The following ABI3BP variants were observed in gnomAD, a reference collection of about 807,000 sequenced individuals.
ABI3BP encodes ABI family member 3 binding protein, also known as target of Nesh-SH3.
A neutral mutation model predicts 268.6 loss-of-function variants in ABI3BP; 216 were observed. The observed-to-expected ratio is 0.80, with a 90% confidence interval of 0.72 to 0.90. The LOEUF is 0.90. ABI3BP is among the 40% of genes least tolerant of loss of function. ABI3BP has a pLI of 0.00. For missense variants in ABI3BP, 2,090 were observed against 2,182.4 expected (o/e 0.96, Z 0.84); for synonymous variants, 730 against 730.0 (o/e 1.00, Z 0.00).
intron 49 of ABI3BP, 91 bp downstream of exon 49, chr3:100,810,321 A>G: frequency 1.8e-6 from 2 of 1,106,382 alleles, no homozygotes; most frequent in Non-Finnish European, 2.6e-6. Context: ...GGGCAGAATG[A>G]TGAAGTCAGG....
chr3:100,982,621 C>A (rs909852191), intron 1 of ABI3BP, among the ~76,000 whole-genome samples: 1 of 151,978 alleles, frequency 6.6e-6, no homozygotes, highest in Non-Finnish European at 1.5e-5. Flanking sequence ...CAGTATTTAT[C>A]TTTCCAGCTC....
rs533949892 is a variant in ABI3BP at position 100,887,205 on chromosome 3, C to T, written c.462-882G>A. On this transcript the variant is annotated intron_variant, in intron 4 of 67. Transcript: ENST00000471714. ...CAGACTCCTCTGGCTCTACTTTAAACAGCCGCTGTAAGTGGGGCAGCAGAT... is the reference window on the plus strand; with the variant it reads ...CAGACTCCTCTGGCTCTACTTTAAATAGCCGCTGTAAGTGGGGCAGCAGAT... Among the ~76,000 whole-genome samples, 3 of 152,112 alleles carry T rather than the reference C, an allele frequency of 2.0e-5. No individual in the cohort carries two copies. The East Asian group carries it at 5.8e-4, about 29-fold the overall frequency.
At position 100,823,482 on chromosome 3, in the gene ABI3BP, T is replaced by C. The variant is rs1490829133; in HGVS notation, c.2779A>G (p.Arg927Gly). 1 of 1,534,920 alleles carries C rather than the reference T, an allele frequency of 6.5e-7. No individual in the cohort carries two copies. The highest frequency in any genetic ancestry group is 2.4e-5 in the East Asian group (1 of 40,872). Residue 927 changes from arginine (R) to glycine (G), a missense_variant, in exon 37 of 68, where the codon AGA (arginine) becomes GGA (glycine). Physicochemically the swap from Arg to Gly is moderately radical, Grantham distance 125. Coordinates refer to ENST00000471714, the MANE Select transcript of ABI3BP (RefSeq NM_001375547.2). ...CCTAATGTTGTTGAGGCCTCAGGTC[T>C]AAGAGTGACAGGTTCTAGGACTGTA... ...PATVLEPVTL[R>G]PEASTTLASK...
At chr3:100,976,139 G>A (rs1486081511) in intron 1 of ABI3BP, among the ~76,000 whole-genome samples, 1 of 152,094 alleles carries the variant, frequency 6.6e-6, no homozygotes, top group East Asian at 1.9e-4. Flanking sequence ...TAAACTATAG[G>A]TAAAATATAG....
At chr3:100,894,944 A>AAAAAAAAAAAAAC (rs2046707827) in intron 4 of ABI3BP, among the ~76,000 whole-genome samples, 1 of 104,278 alleles carries the variant, frequency 9.6e-6, no homozygotes, top group Non-Finnish European at 2.3e-5. Context: ...GCTTCAAAAA[A>AAAAAAAAAAAAAC]AAAAAAAAAA....
chr3:100,894,761 A>C (rs1429998755), intron 4 of ABI3BP, among the ~76,000 whole-genome samples: 6 of 151,758 alleles, frequency 4.0e-5, no homozygotes, highest in African/African-American at 1.5e-4. Context: ...AACACGGTGA[A>C]ACCCCACCTG....
intron 1 of ABI3BP, among the ~76,000 whole-genome samples, chr3:100,982,005 C>T (rs1451663973): frequency 6.6e-6 from 1 of 152,168 alleles, no homozygotes; most frequent in Non-Finnish European, 1.5e-5. Context: ...TTGACTCACA[C>T]TTCTGCATGG....
intron 4 of ABI3BP, among the ~76,000 whole-genome samples, chr3:100,897,525 T>A (rs1003241644): frequency 5.3e-5 from 8 of 152,312 alleles, no homozygotes; most frequent in African/African-American, 1.9e-4. Flanking sequence ...ATGTCATGAA[T>A]GAATCTCAAT....
Position 100,846,459 on chromosome 3 carries a change from A to C in ABI3BP, c.1649-13T>G. Reference sequence around the variant, plus strand: ...GTTTTACCGGGAGCTGGAAAAATAAAGAAACAAAATAATAAACAAATCAAT... The same window carrying C: ...GTTTTACCGGGAGCTGGAAAAATAACGAAACAAAATAATAAACAAATCAAT... On this transcript the variant is annotated splice_polypyrimidine_tract_variant and intron_variant, in intron 19 of 67. Transcript: ENST00000471714. 1 of 1,556,962 alleles carries C rather than the reference A, an allele frequency of 6.4e-7. No individual in the cohort carries two copies.
At chr3:100,985,909 A>G (rs1015469690) in intron 1 of ABI3BP, among the ~76,000 whole-genome samples, 5 of 152,218 alleles carry the variant, frequency 3.3e-5, no homozygotes, top group African/African-American at 1.2e-4. Context: ...CCATATTCAT[A>G]GTTTCACTAT....
At chr3:100,981,280 A>G (rs1321365782) in intron 1 of ABI3BP, among the ~76,000 whole-genome samples, 1 of 151,712 alleles carries the variant, frequency 6.6e-6, no homozygotes. Context: ...CTTCCAAAGG[A>G]TAATTCCTGC....
chr3:100,791,195 G>A (rs1407680662), intron 55 of ABI3BP, among the ~76,000 whole-genome samples: 1 of 151,720 alleles, frequency 6.6e-6, no homozygotes, highest in African/African-American at 2.4e-5. Flanking sequence ...CCAATAACAG[G>A]TGAAATTTAT....
chr3:100,832,634 G>A (rs1230416290), intron 30 of ABI3BP, among the ~76,000 whole-genome samples: 2 of 152,064 alleles, frequency 1.3e-5, no homozygotes, highest in Non-Finnish European at 2.9e-5. Flanking sequence ...GCTTAACTCT[G>A]ATGGTGTGAG....
At chr3:100,787,356 A>G (rs1411359643) in intron 57 of ABI3BP, among the ~76,000 whole-genome samples, 8 of 152,188 alleles carry the variant, frequency 5.3e-5, no homozygotes, top group African/African-American at 1.9e-4. Context: ...GTACTTGGTA[A>G]ATTATAAACT....
intron 20 of ABI3BP, among the ~76,000 whole-genome samples, chr3:100,845,738 T>TA (rs143048568): frequency 0.019 from 2,923 of 151,656 alleles, 96 homozygotes; most frequent in African/African-American, 0.067. Context: ...TACAGATAGA[T>TA]AAAAAAAACT....
intron 59 of ABI3BP, among the ~76,000 whole-genome samples, chr3:100,775,724 A>G (rs2096681265): frequency 6.6e-6 from 1 of 152,200 alleles, no homozygotes; most frequent in Admixed American, 6.5e-5. Flanking sequence ...GGTTATAACA[A>G]GAAACATGTC....
intron 52 of ABI3BP, 71 bp from the exon 53 acceptor site, chr3:100,795,922 T>C (rs894811125): frequency 9.3e-7 from 1 of 1,072,466 alleles, no homozygotes; most frequent in Admixed American, 3.6e-5. Context: ...ATAGTTTCCT[T>C]ATTTTTTAGA....
Position 100,824,884 on chromosome 3 carries a change from C to G in ABI3BP, c.2720G>C (p.Ser907Thr). ...AGGTTTGGTCTCAGGTGCCTGAGGG[C>G]TCGGTGTAGTTTTAGGTCTGGGACG... ...PPRPRPKTTP[S>T]PQAPETKPVP... Residue 907 changes from serine (S) to threonine (T), a missense_variant, in exon 36 of 68, where the codon AGC becomes ACC. Ser to Thr is a moderately conservative substitution (Grantham distance 58, BLOSUM62 1). Coordinates refer to ENST00000471714, the MANE Select transcript of ABI3BP (RefSeq NM_001375547.2). 19 of 1,536,040 alleles carry G rather than the reference C, an allele frequency of 1.2e-5. No homozygotes were observed. The highest frequency in any genetic ancestry group is 1.7e-5 in the Non-Finnish European group (19 of 1,146,672).
intron 1 of ABI3BP, among the ~76,000 whole-genome samples, chr3:100,979,912 C>T (rs1447812490): frequency 6.6e-6 from 1 of 152,062 alleles, no homozygotes; most frequent in African/African-American, 2.4e-5. Context: ...GGATTTATTG[C>T]CAAGAACATG....
Sources: gnomAD v4.1 joint callset for allele counts (sites outside exome capture counted in the v4.1 genomes callset) on GRCh38, gnomAD v4.1.1 for gene constraint, MANE v1.5 for transcripts, NCBI Gene and HGNC (gene_info 2026-07-23, HGNC 2026-07-21) for gene names.